The following ADAMTS9 variants were observed in gnomAD, a reference collection of about 807,000 sequenced individuals.
ADAMTS9 encodes the protein ADAM metallopeptidase with thrombospondin type 1 motif 9.
ADAMTS9 carries 107 observed loss-of-function variants against 257.1 expected under a neutral mutation model. The ratio of observed to expected loss-of-function variants is 0.42; its 90% CI spans 0.36 to 0.49. The LOEUF is 0.49. ADAMTS9 is among the 20% of genes least tolerant of loss of function. The pLI is 0.03. For missense variants in ADAMTS9, 2,353 were observed against 2,469.1 expected (o/e 0.95, Z 1.00); for synonymous variants, 982 against 880.9 (o/e 1.11, Z -2.03).
At chr3:64,669,724 C>T (rs1195744904) in intron 3 of ADAMTS9, among the ~76,000 whole-genome samples, 2 of 152,054 alleles carry the variant, frequency 1.3e-5, no homozygotes, top group African/African-American at 2.4e-5. Context: ...TAGAATAAGA[C>T]AGAATAACTC....
chr3:64,651,252 G>A lies in ADAMTS9; in HGVS notation c.1317-89C>T, dbSNP rs1576161367. On this transcript the variant is annotated intron_variant, in intron 8 of 39. Coordinates refer to ENST00000498707, the MANE Select transcript of ADAMTS9 (RefSeq NM_182920.2). ...GCTTCAGGAATGCAACTATCTAAGA[G>A]AAAAAAATTTAACTTCATTTTGGAT... 14 of 1,219,696 alleles carry A rather than the reference G, an allele frequency of 1.1e-5. No homozygotes were observed. In the East Asian group the frequency reaches 3.7e-4, roughly 32 times the overall value. The allele number at this position is 1,219,696 out of a possible 1,614,324, so 75.6% of individuals were successfully genotyped here. A position where few individuals can be genotyped will look rare whatever the true frequency, so the allele number is the denominator to read the frequency against.
intron 12 of ADAMTS9, among the ~76,000 whole-genome samples, chr3:64,638,000 A>G (rs1559804350): frequency 6.6e-6 from 1 of 152,186 alleles, no homozygotes; most frequent in African/African-American, 2.4e-5. Flanking sequence ...TGAGAAATTC[A>G]TTTTTTTGGA....
At chr3:64,519,973 A>C (rs754526240) in intron 39 of ADAMTS9, among the ~76,000 whole-genome samples, 1 of 152,146 alleles carries the variant, frequency 6.6e-6, no homozygotes, top group Non-Finnish European at 1.5e-5. Flanking sequence ...GAAAGAAAAG[A>C]CATCAAAAGA....
At chr3:64,659,233 C>A (rs551829004) in intron 3 of ADAMTS9, among the ~76,000 whole-genome samples, 1 of 152,020 alleles carries the variant, frequency 6.6e-6, no homozygotes. Context: ...TTTGGGAGGC[C>A]GAGGCAGGTG....
At chr3:64,623,481 C>A (rs1700156146) in intron 16 of ADAMTS9, among the ~76,000 whole-genome samples, 1 of 152,188 alleles carries the variant, frequency 6.6e-6, no homozygotes, top group African/African-American at 2.4e-5. Flanking sequence ...TAACTGCCAT[C>A]TTGACTACAA....
At chr3:64,544,183 T>C (rs1279627156) in intron 32 of ADAMTS9, among the ~76,000 whole-genome samples, 1 of 151,848 alleles carries the variant, frequency 6.6e-6, no homozygotes, top group Non-Finnish European at 1.5e-5. Flanking sequence ...AACATGGCCA[T>C]ACTGCCCAAG....
At chr3:64,547,078 C>A in intron 31 of ADAMTS9, 126 bp from the exon 32 acceptor site, 2 of 824,396 alleles carry the variant, frequency 2.4e-6, no homozygotes, top group East Asian at 2.7e-5. Flanking sequence ...ACTTCATTAG[C>A]TTATTTATTC....
intron 3 of ADAMTS9, among the ~76,000 whole-genome samples, chr3:64,674,581 T>C (rs1016656305): frequency 2.0e-5 from 3 of 152,230 alleles, no homozygotes; most frequent in African/African-American, 7.2e-5. Flanking sequence ...AAATGCTGCC[T>C]GTTCTTGATC....
intron 3 of ADAMTS9, among the ~76,000 whole-genome samples, chr3:64,671,074 AC>A (rs2107014951): frequency 6.6e-6 from 1 of 152,364 alleles, no homozygotes; most frequent in African/African-American, 2.4e-5. Context: ...TTATGTTCAC[AC>A]AAAAATCTGT....
intron 4 of ADAMTS9, among the ~76,000 whole-genome samples, chr3:64,658,052 TC>T (rs1701125513): frequency 6.6e-6 from 1 of 152,120 alleles, no homozygotes; most frequent in Non-Finnish European, 1.5e-5. Context: ...CTACTGAATA[TC>T]CACAACTGGC....
intron 28 of ADAMTS9, among the ~76,000 whole-genome samples, chr3:64,575,177 G>T (rs188909901): frequency 6.6e-6 from 1 of 152,282 alleles, no homozygotes; most frequent in East Asian, 1.9e-4. Flanking sequence ...AGAAGGGAAG[G>T]CTGCAGGTTG....
chr3:64,665,033 T>C (rs1301655725), intron 3 of ADAMTS9, among the ~76,000 whole-genome samples: 1 of 152,224 alleles, frequency 6.6e-6, no homozygotes, highest in Non-Finnish European at 1.5e-5. Context: ...AATAGCATAT[T>C]GATGCCTCCA....
At chr3:64,634,956 GC>G (rs1048606039) in intron 12 of ADAMTS9, among the ~76,000 whole-genome samples, 1 of 152,070 alleles carries the variant, frequency 6.6e-6, no homozygotes, top group Non-Finnish European at 1.5e-5. Flanking sequence ...TTCCAATCTG[GC>G]CCTATCCTCA....
chr3:64,662,957 T>A (rs1270000820), intron 3 of ADAMTS9, among the ~76,000 whole-genome samples: 1 of 152,128 alleles, frequency 6.6e-6, no homozygotes. Flanking sequence ...TCAGCCGATG[T>A]GTATGAGGTG....
intron 28 of ADAMTS9, among the ~76,000 whole-genome samples, chr3:64,570,967 A>T (rs1045016274): frequency 3.9e-5 from 6 of 152,194 alleles, no homozygotes; most frequent in Admixed American, 2.0e-4. Context: ...GGGTGAAGAA[A>T]CATAGTTGTG....
intron 3 of ADAMTS9, among the ~76,000 whole-genome samples, chr3:64,679,323 T>C (rs1228871633): frequency 6.6e-6 from 1 of 152,082 alleles, no homozygotes; most frequent in Non-Finnish European, 1.5e-5. Context: ...ACAGAGAAAA[T>C]GGGTCACGGA....
intron 12 of ADAMTS9, among the ~76,000 whole-genome samples, chr3:64,640,234 ATAACT>A (rs1559805614): frequency 2.0e-5 from 3 of 152,212 alleles, no homozygotes; most frequent in East Asian, 1.9e-4. Flanking sequence ...ATGAACAAAA[ATAACT>A]TAATTAATCA....
chr3:64,567,426 A>G (rs900909508), intron 29 of ADAMTS9, among the ~76,000 whole-genome samples: 5 of 152,240 alleles, frequency 3.3e-5, no homozygotes, highest in African/African-American at 1.2e-4. Context: ...AGCATTAAAT[A>G]CAGAATGTTT....
intron 28 of ADAMTS9, among the ~76,000 whole-genome samples, chr3:64,571,364 A>G (rs1039109862): frequency 5.3e-5 from 8 of 152,222 alleles, no homozygotes; most frequent in African/African-American, 1.9e-4. Flanking sequence ...TTCCCACATG[A>G]CTTCAACACA....
Sources: gnomAD v4.1 joint callset for allele counts (sites outside exome capture counted in the v4.1 genomes callset) on GRCh38, gnomAD v4.1.1 for gene constraint, MANE v1.5 for transcripts, NCBI Gene and HGNC (gene_info 2026-07-23, HGNC 2026-07-21) for gene names.